The following SERINC5 variants were observed in gnomAD, a reference collection of about 807,000 sequenced individuals.
SERINC5 encodes the protein serine incorporator 5, also known as chromosome 5 open reading frame 12.
In SERINC5, 41 loss-of-function variants were observed where a neutral mutation model predicts 63.1. The observed-to-expected ratio is 0.65, with a 90% confidence interval of 0.51 to 0.84. The LOEUF is 0.84. SERINC5 is among the 40% of genes least tolerant of loss of function. The probability of loss-of-function intolerance (pLI) is 0.00; values close to 1 mark genes in which losing one functional copy is unlikely to be tolerated. For missense variants in SERINC5, 523 were observed against 573.0 expected (o/e 0.91, Z 0.89); for synonymous variants, 222 against 215.2 (o/e 1.03, Z -0.28).
intron 2 of SERINC5, among the ~76,000 whole-genome samples, chr5:80,191,663 TAA>T (rs72458092): frequency 0.019 from 2,274 of 117,184 alleles, 64 homozygotes; most frequent in African/African-American, 0.067. Flanking sequence ...GCCCTGTCTC[TAA>T]AAAAAAAAAA....
At chr5:80,124,799 C>T (rs1370374747) in intron 11 of SERINC5, among the ~76,000 whole-genome samples, 1 of 152,156 alleles carries the variant, frequency 6.6e-6, no homozygotes, top group Non-Finnish European at 1.5e-5. Context: ...ACAGACTGAA[C>T]CACCTTGGGT....
At chr5:80,211,882 A>G (rs1490993857) in intron 1 of SERINC5, among the ~76,000 whole-genome samples, 2 of 152,188 alleles carry the variant, frequency 1.3e-5, no homozygotes, top group African/African-American at 2.4e-5. Context: ...CTAAGCAAAT[A>G]AGTGCTTAGA....
At chr5:80,168,399 C>T (rs552584240) in intron 6 of SERINC5, among the ~76,000 whole-genome samples, 45 of 152,106 alleles carry the variant, frequency 3.0e-4, no homozygotes, top group African/African-American at 9.6e-4. Flanking sequence ...CGGGGTTTCC[C>T]GAAGTTGGCC....
chr5:80,121,919 C>T (rs76497877), intron 11 of SERINC5, among the ~76,000 whole-genome samples: 7 of 151,922 alleles, frequency 4.6e-5, no homozygotes, highest in East Asian at 1.9e-4. Flanking sequence ...TCTGCCCCCA[C>T]GACCCAGACA....
chr5:80,224,215 C>T (rs1238734884), intron 1 of SERINC5, among the ~76,000 whole-genome samples: 4 of 151,514 alleles, frequency 2.6e-5, no homozygotes, highest in Non-Finnish European at 5.9e-5. Flanking sequence ...AATCCCAGCA[C>T]TTTGGGAGGC....
intron 1 of SERINC5, among the ~76,000 whole-genome samples, chr5:80,212,295 G>T (rs1025023315): frequency 6.6e-6 from 1 of 152,120 alleles, no homozygotes; most frequent in Admixed American, 6.6e-5. Flanking sequence ...ATGCTGGGAG[G>T]TTATAGTACC....
At chr5:80,137,139 C>CAAAAAAAAAAAAAAAAAAA (rs869035894), downstream of SERINC5, among the ~76,000 whole-genome samples, 10 of 67,730 alleles carry the variant, frequency 1.5e-4, no homozygotes, top group Admixed American at 5.4e-4. Flanking sequence ...GACCCTGTCT[C>CAAAAAAAAAAAAAAAAAAA]AAAAAAAAAA....
At chr5:80,203,238 CTAAA>C in intron 1 of SERINC5, 185 bp from the exon 2 acceptor site, 1 of 517,090 alleles carries the variant, frequency 1.9e-6, no homozygotes, top group Admixed American at 2.7e-5. Flanking sequence ...GAACCTGTCT[CTAAA>C]TAAATATATA....
intron 2 of SERINC5, among the ~76,000 whole-genome samples, chr5:80,181,891 C>A (rs1318165827): frequency 6.6e-6 from 1 of 152,210 alleles, no homozygotes; most frequent in Non-Finnish European, 1.5e-5. Context: ...ACCAGATTAA[C>A]CAGCCCAGAC....
chr5:80,170,790 TGAATCACTTGAAGCTAGGA>T (rs1295521199), intron 5 of SERINC5, among the ~76,000 whole-genome samples: 4 of 151,940 alleles, frequency 2.6e-5, no homozygotes, highest in Non-Finnish European at 5.9e-5. Flanking sequence ...CCGAGGCAGG[TGAATCACTTGAAGCTAGGA>T]GCTCAAGACC....
intron 6 of SERINC5, 137 bp downstream of exon 6, chr5:80,169,198 T>A: frequency 1.5e-6 from 1 of 679,852 alleles, no homozygotes; most frequent in Non-Finnish European, 2.5e-6. Context: ...CCACCTTGCC[T>A]ACTGCTGACA....
chr5:80,148,562 G>A (rs1301087222), intron 9 of SERINC5, among the ~76,000 whole-genome samples: 1 of 151,888 alleles, frequency 6.6e-6, no homozygotes, highest in Non-Finnish European at 1.5e-5. Context: ...CAGCTATTTG[G>A]GAGACTGAGG....
At chr5:80,187,917 GGAA>G (rs1410286221) in intron 2 of SERINC5, among the ~76,000 whole-genome samples, 10 of 152,110 alleles carry the variant, frequency 6.6e-5, no homozygotes, top group Non-Finnish European at 2.9e-5. Flanking sequence ...AATTACTATG[GGAA>G]GAAGGGCTCC....
At chr5:80,182,854 C>T (rs7729757) in intron 2 of SERINC5, among the ~76,000 whole-genome samples, 2 of 152,010 alleles carry the variant, frequency 1.3e-5, no homozygotes, top group African/African-American at 4.8e-5. Flanking sequence ...CCTATCTGAC[C>T]CTTTTTAAAA....
intron 2 of SERINC5, among the ~76,000 whole-genome samples, chr5:80,184,922 G>A (rs1277881490): frequency 6.6e-6 from 1 of 152,092 alleles, no homozygotes; most frequent in Non-Finnish European, 1.5e-5. Context: ...TGTTGCCCAG[G>A]CTGGAGTGCA....
At chr5:80,128,798 G>C (rs1204518361) in intron 11 of SERINC5, 1 of 152,192 alleles carries the variant, frequency 6.6e-6, no homozygotes, top group African/African-American at 2.4e-5. Flanking sequence ...GAATGGATTA[G>C]AGTTGCAGAC....
At chr5:80,221,001 C>A (rs1750875604) in intron 1 of SERINC5, among the ~76,000 whole-genome samples, 2 of 151,940 alleles carry the variant, frequency 1.3e-5, no homozygotes, top group Non-Finnish European at 2.9e-5. Context: ...GGAAGCCCCC[C>A]AAAACAGGTC....
At chr5:80,214,241 C>T (rs898639713) in intron 1 of SERINC5, among the ~76,000 whole-genome samples, 3 of 152,056 alleles carry the variant, frequency 2.0e-5, no homozygotes, top group African/African-American at 7.2e-5. Context: ...AGACATAGAT[C>T]AGCACTAACA....
At chr5:80,126,210 C>T (rs1240339066) in intron 11 of SERINC5, among the ~76,000 whole-genome samples, 1 of 152,142 alleles carries the variant, frequency 6.6e-6, no homozygotes, top group African/African-American at 2.4e-5. Flanking sequence ...ATTAAGTAGG[C>T]ACAGATCCAA....
Sources: allele counts gnomAD v4.1 joint callset (sites outside exome capture counted in the v4.1 genomes callset), GRCh38; gene constraint gnomAD v4.1.1; transcripts MANE v1.5; gene names NCBI Gene and HGNC (gene_info 2026-07-23, HGNC 2026-07-21).